DPP10: variants seen among roughly 807,000 people sequenced by gnomAD.
The protein encoded by DPP10 is dipeptidyl peptidase like 10, also known as inactive dipeptidyl peptidase 10.
A neutral mutation model predicts 120.9 loss-of-function variants in DPP10; 33 were observed. That is an observed-to-expected ratio of 0.27 (90% CI 0.21 to 0.37). The LOEUF (loss-of-function observed/expected upper bound fraction) is 0.37, where lower values mean the gene tolerates loss of function less well. Among genes scored for constraint, DPP10 ranks in the 10% least tolerant of loss-of-function variants. The probability of loss-of-function intolerance (pLI) is 1.00; values close to 1 mark genes in which losing one functional copy is unlikely to be tolerated. For synonymous variants in DPP10, 337 were observed against 326.1 expected, an observed-to-expected ratio of 1.03 and a Z score of -0.36; for missense variants, 816 against 942.8, an observed-to-expected ratio of 0.87 and a Z score of 1.76.
At chr2:115,718,766 G>A (rs2092569857) in intron 7 of DPP10, among the ~76,000 whole-genome samples, 1 of 151,970 alleles carries the variant, frequency 6.6e-6, no homozygotes, top group Non-Finnish European at 1.5e-5. Flanking sequence ...CACATAGGAG[G>A]TGCCTGATAC....
intron 5 of DPP10, among the ~76,000 whole-genome samples, chr2:115,534,821 G>A (rs1276690572): frequency 2.0e-5 from 3 of 151,672 alleles, no homozygotes; most frequent in Non-Finnish European, 2.9e-5. Flanking sequence ...GTGTGAGATG[G>A]TATCTCATTG....
intron 3 of DPP10, among the ~76,000 whole-genome samples, chr2:115,433,904 T>C (rs1247156896): frequency 6.6e-6 from 1 of 152,004 alleles, no homozygotes; most frequent in South Asian, 2.1e-4. Context: ...AATTTTTGTT[T>C]TATGAGATTT....
chr2:115,827,609 T>C (rs1267177995), intron 21 of DPP10, among the ~76,000 whole-genome samples: 1 of 151,452 alleles, frequency 6.6e-6, no homozygotes, highest in African/African-American at 2.4e-5. Flanking sequence ...TTATTTTATT[T>C]TTTTGAGACA....
chr2:115,777,182 A>T, intron 13 of DPP10, 26 bp from the exon 14 acceptor site: 1 of 1,605,106 alleles, frequency 6.2e-7, no homozygotes, highest in Non-Finnish European at 8.5e-7. Flanking sequence ...ATGAAAGGAA[A>T]ATCAATATTT....
chr2:115,574,642 A>G (rs1275840565), intron 5 of DPP10, among the ~76,000 whole-genome samples: 1 of 152,208 alleles, frequency 6.6e-6, no homozygotes, highest in Middle Eastern at 3.2e-3. Context: ...TTGAGTAAAT[A>G]TCTTAATTGG....
At chr2:115,773,049 C>G (rs920117099) in intron 13 of DPP10, among the ~76,000 whole-genome samples, 2 of 152,124 alleles carry the variant, frequency 1.3e-5, no homozygotes, top group Admixed American at 1.3e-4. Context: ...AGCATGCCCC[C>G]AATCCACAAT....
intron 3 of DPP10, among the ~76,000 whole-genome samples, chr2:115,369,164 G>A (rs1490308952): frequency 2.0e-5 from 3 of 152,006 alleles, no homozygotes; most frequent in Non-Finnish European, 4.4e-5. Context: ...CAAATGATCA[G>A]ACTGCTACCC....
chr2:115,666,445 T>G (rs1449539736), intron 5 of DPP10, among the ~76,000 whole-genome samples: 1 of 152,126 alleles, frequency 6.6e-6, no homozygotes, highest in Non-Finnish European at 1.5e-5. Context: ...ACCACCCCCA[T>G]GATCCAATAA....
intron 3 of DPP10, among the ~76,000 whole-genome samples, chr2:115,460,979 A>G (rs1020083878): frequency 3.9e-5 from 6 of 152,130 alleles, no homozygotes; most frequent in Admixed American, 6.6e-5. Flanking sequence ...GTTATGGGGG[A>G]TTGACTATAG....
intron 1 of DPP10, among the ~76,000 whole-genome samples, chr2:115,294,049 G>T (rs1054621908): frequency 1.3e-5 from 2 of 152,058 alleles, no homozygotes; most frequent in African/African-American, 4.8e-5. Context: ...ATTCCTACCT[G>T]ATTCAATGAA....
intron 1 of DPP10, among the ~76,000 whole-genome samples, chr2:115,306,693 G>T (rs2061372480): frequency 6.6e-6 from 1 of 152,136 alleles, no homozygotes; most frequent in African/African-American, 2.4e-5. Flanking sequence ...GCATTGATGA[G>T]TCATTTCAGA....
At chr2:115,343,001 G>A (rs551513406) in intron 2 of DPP10, among the ~76,000 whole-genome samples, 12 of 152,168 alleles carry the variant, frequency 7.9e-5, no homozygotes, top group South Asian at 4.2e-4. Context: ...ATTTTCAACC[G>A]AAGTGAAGGT....
intron 1 of DPP10, among the ~76,000 whole-genome samples, chr2:114,970,409 T>C (rs1458363202): frequency 6.6e-6 from 1 of 152,152 alleles, no homozygotes; most frequent in Non-Finnish European, 1.5e-5. Context: ...GAGTAAAAAC[T>C]ATTTTCTGTA....
At chr2:115,389,946 C>T (rs1184641810) in intron 3 of DPP10, among the ~76,000 whole-genome samples, 1 of 152,100 alleles carries the variant, frequency 6.6e-6, no homozygotes, top group Admixed American at 6.6e-5. Context: ...TACGTTAAGG[C>T]TCATTGATAT....
At chr2:115,369,398 T>C (rs2065264498) in intron 3 of DPP10, among the ~76,000 whole-genome samples, 1 of 152,100 alleles carries the variant, frequency 6.6e-6, no homozygotes, top group South Asian at 2.1e-4. Flanking sequence ...TATGAGTCTG[T>C]AAAAACTTTT....
At position 115,252,512 on chromosome 2, in the gene DPP10, C is replaced by T. The variant is rs1459167852; in HGVS notation, c.61-56727C>T. Among the ~76,000 whole-genome samples the T allele has an allele frequency of 7.3e-4, 111 of 152,120 alleles. 3 individuals are homozygous for T. The highest frequency in any genetic ancestry group is 7.2e-3 in the Admixed American group (110 of 15,270). ...GTTTAACTCAGATATACCAATGCCT[C>T]ATTATGTTTGTTAACTCTATTCTGA... is the stretch of plus-strand genomic sequence containing the variant. On this transcript the variant is annotated intron_variant, in intron 1 of 25. Transcript: ENST00000410059.
intron 1 of DPP10, among the ~76,000 whole-genome samples, chr2:114,929,661 C>T (rs1328350665): frequency 6.6e-6 from 1 of 152,116 alleles, no homozygotes; most frequent in African/African-American, 2.4e-5. Flanking sequence ...TTAGGATGCC[C>T]AGATTTCATA....
intron 1 of DPP10, among the ~76,000 whole-genome samples, chr2:114,864,766 C>T (rs940614357): frequency 3.9e-4 from 59 of 152,236 alleles, no homozygotes; most frequent in African/African-American, 1.4e-3. Context: ...TGGACCTAAC[C>T]ACTAGGTGAT....
chr2:115,056,178 T>G (rs576267476), intron 1 of DPP10, among the ~76,000 whole-genome samples: 1 of 152,110 alleles, frequency 6.6e-6, no homozygotes, highest in Non-Finnish European at 1.5e-5. Flanking sequence ...TTAAACAACA[T>G]CCGGGGGTTG....
Sources: allele counts gnomAD v4.1 joint callset (sites outside exome capture counted in the v4.1 genomes callset), GRCh38; gene constraint gnomAD v4.1.1; transcripts MANE v1.5; gene names NCBI Gene and HGNC (gene_info 2026-07-23, HGNC 2026-07-21).